The following ADSL variants were observed in gnomAD, a reference collection of about 807,000 sequenced individuals.
The protein encoded by ADSL is adenylosuccinate lyase, also known as adenylosuccinase.
A neutral mutation model predicts 62.1 loss-of-function variants in ADSL; 44 were observed. The observed-to-expected ratio is 0.71, with a 90% CI of 0.56 to 0.91. The LOEUF (loss-of-function observed/expected upper bound fraction) is 0.91. ADSL is among the 40% of genes least tolerant of loss of function. ADSL has a pLI of 0.00. For synonymous variants in ADSL, 198 were observed against 220.5 expected, an observed-to-expected ratio of 0.90 and a Z score of 0.90; for missense variants, 531 against 627.4, an observed-to-expected ratio of 0.85 and a Z score of 1.64.
intron 12 of ADSL, 149 bp from the exon 13 acceptor site, chr22:40,366,286 TC>T (rs1162235025): frequency 1.2e-5 from 8 of 670,156 alleles, no homozygotes; most frequent in Non-Finnish European, 1.9e-5. Flanking sequence ...AGGCAGAAAT[TC>T]CTGATAGGCA....
intron 4 of ADSL, among the ~76,000 whole-genome samples, chr22:40,358,266 A>T (rs150407511): frequency 6.6e-6 from 1 of 152,150 alleles, no homozygotes. Context: ...AACAAAAGGG[A>T]CATTGTCCCT....
downstream of ADSL, among the ~76,000 whole-genome samples, chr22:40,373,839 C>T (rs569982729): frequency 2.6e-5 from 4 of 152,332 alleles, 1 homozygote; most frequent in South Asian, 6.2e-4. Flanking sequence ...TGGTCTCCAT[C>T]TCTTGACCTC....
downstream of ADSL, chr22:40,372,786 A>G (rs2045845057): frequency 6.6e-6 from 1 of 152,190 alleles, no homozygotes; most frequent in African/African-American, 2.4e-5. Context: ...GTGTGTTTTC[A>G]GTTTTTCTCT....
At chr22:40,378,696 G>C (rs1015282960) in intron 2 of ADSL, among the ~76,000 whole-genome samples, 3 of 152,084 alleles carry the variant, frequency 2.0e-5, no homozygotes, top group African/African-American at 7.2e-5. Context: ...CTGCACTCCA[G>C]CCTGGGTGAC....
At chr22:40,378,918 G>A (rs1393313718) in intron 2 of ADSL, among the ~76,000 whole-genome samples, 1 of 151,662 alleles carries the variant, frequency 6.6e-6, no homozygotes, top group East Asian at 1.9e-4. Context: ...TTATATTCCC[G>A]CTTCACCACC....
chr22:40,352,669 A>AT (rs1468119135), intron 2 of ADSL, among the ~76,000 whole-genome samples: 1 of 152,148 alleles, frequency 6.6e-6, no homozygotes, highest in Non-Finnish European at 1.5e-5. Context: ...TTAATTGAGA[A>AT]TTTTTTTAAT....
Position 40,354,233 on chromosome 22 carries a change from T to C in ADSL, c.403-15T>C, listed in dbSNP as rs1234005579. The C allele has an allele frequency of 6.2e-7, 1 of 1,612,626 alleles. No individual in the cohort carries two copies. Among genetic ancestry groups the C allele is most frequent in the Non-Finnish European group, 8.5e-7 (1 of 1,178,562 alleles). On this transcript the variant is annotated splice_polypyrimidine_tract_variant and intron_variant, in intron 3 of 12. Coordinates refer to ENST00000623063, the MANE Select transcript of ADSL (RefSeq NM_000026.4). ...CTGAATTCAACCTCTTTCTATCACATGATCTTTCTTGTAGCTTGCCAGAGT... is the reference window on the plus strand; with the variant it reads ...CTGAATTCAACCTCTTTCTATCACACGATCTTTCTTGTAGCTTGCCAGAGT...
intron 11 of ADSL, 135 bp from the exon 12 acceptor site, chr22:40,364,745 C>T (rs2044933212): frequency 1.1e-6 from 1 of 918,278 alleles, no homozygotes; most frequent in Non-Finnish European, 1.8e-6. Context: ...CAGATAGACA[C>T]AGGAACCACC....
At chr22:40,356,888 T>G (rs753764964) in intron 4 of ADSL, among the ~76,000 whole-genome samples, 23 of 152,072 alleles carry the variant, frequency 1.5e-4, no homozygotes, top group Non-Finnish European at 3.1e-4. Context: ...TTCATAATTA[T>G]ATATTTTGTT....
intron 2 of ADSL, 100 bp from the exon 3 acceptor site, chr22:40,352,972 TG>T: frequency 1.1e-6 from 1 of 899,266 alleles, no homozygotes; most frequent in Non-Finnish European, 1.8e-6. Flanking sequence ...TGATATAGGC[TG>T]GTAGCTGAGC....
chr22:40,352,846 G>A (rs1291148993), intron 2 of ADSL, among the ~76,000 whole-genome samples: 2 of 152,100 alleles, frequency 1.3e-5, no homozygotes, highest in Non-Finnish European at 2.9e-5. Context: ...AAGTATAAAG[G>A]TTTTGTTCCT....
chr22:40,352,323 T>C (rs901092933), intron 2 of ADSL, among the ~76,000 whole-genome samples: 2 of 152,114 alleles, frequency 1.3e-5, no homozygotes, highest in East Asian at 2.0e-4. Context: ...GTCAGGTGAT[T>C]GAGACCATCC....
chr22:40,348,636 C>G (rs2044234239), intron 1 of ADSL: 1 of 398,520 alleles, frequency 2.5e-6, no homozygotes. Context: ...CGACCTTGGC[C>G]TCCCAAAGAT....
intron 3 of ADSL, chr22:40,353,528 C>G (rs1463371651): frequency 1.6e-6 from 1 of 632,244 alleles, no homozygotes; most frequent in Non-Finnish European, 2.8e-6. Flanking sequence ...AAGGGATCCA[C>G]CCGTCTTGGC....
Position 40,368,505 on chromosome 22 carries a change from G to A in ADSL, c.*1983G>A, listed in dbSNP as rs769028481. On this transcript the variant is annotated 3_prime_UTR_variant, in exon 13 of 13. Coordinates refer to ENST00000623063, the MANE Select transcript of ADSL (RefSeq NM_000026.4). ...CCTAAGAGAAGAGCTTATCCTTTTG[G>A]AAAAACAATAGAAGACAATTCTGAA... The A allele has an allele frequency of 2.6e-5, 4 of 152,070 alleles. No homozygotes were observed. Among genetic ancestry groups the A allele is most frequent in the Admixed American group, 6.6e-5 (1 of 15,244 alleles). 9.4% of individuals were successfully genotyped at this position (152,070 alleles called of 1,614,324 possible). A position where few individuals can be genotyped will look rare whatever the true frequency, so the allele number is the denominator to read the frequency against.
At chr22:40,387,243 C>G (rs1466527246) in intron 2 of ADSL, 3 of 398,412 alleles carry the variant, frequency 7.5e-6, no homozygotes, top group African/African-American at 4.1e-5. Context: ...CCTCCGTCTA[C>G]TCACTGCCAC....
intron 3 of ADSL, chr22:40,353,676 A>G (rs1601563834): frequency 3.6e-6 from 1 of 277,308 alleles, no homozygotes; most frequent in African/African-American, 3.1e-5. Context: ...CCCAGGCTGG[A>G]GTGCAGTGGC....
intron 2 of ADSL, among the ~76,000 whole-genome samples, chr22:40,377,677 A>G (rs763416254): frequency 1.3e-5 from 2 of 152,102 alleles, no homozygotes; most frequent in Non-Finnish European, 2.9e-5. Flanking sequence ...CTCTACAAAA[A>G]AAAACTTTAA....
At chr22:40,364,402 T>C in intron 11 of ADSL, 37 bp downstream of exon 11, 3 of 1,569,022 alleles carry the variant, frequency 1.9e-6, no homozygotes, top group Non-Finnish European at 2.6e-6. Context: ...AAGTTGAGAG[T>C]GCACGTTTGG....
Sources: allele counts gnomAD v4.1 joint callset (sites outside exome capture counted in the v4.1 genomes callset), GRCh38; gene constraint gnomAD v4.1.1; transcripts MANE v1.5; gene names NCBI Gene and HGNC (gene_info 2026-07-23, HGNC 2026-07-21).